Variants in TEK observed in about 807,000 individuals in gnomAD.
The protein encoded by TEK is TEK receptor tyrosine kinase.
Under a neutral mutation model 131.8 loss-of-function variants are expected in TEK, and 43 were observed. The ratio of observed to expected loss-of-function variants is 0.33; its 90% CI spans 0.26 to 0.42. The LOEUF is 0.42. TEK is among the 10% of genes least tolerant of loss of function. TEK has a pLI of 1.00. For missense variants in TEK, 1,162 were observed against 1,384.4 expected (o/e 0.84, Z 2.55); for synonymous variants, 580 against 491.6 (o/e 1.18, Z -2.38).
chr9:27,199,380 T>C (rs1291122849), intron 12 of TEK, among the ~76,000 whole-genome samples: 1 of 152,128 alleles, frequency 6.6e-6, no homozygotes, highest in Non-Finnish European at 1.5e-5. Flanking sequence ...TGTGAGAGTT[T>C]TTCTAGGAAC....
chr9:27,151,476 T>C (rs894657031), intron 1 of TEK, among the ~76,000 whole-genome samples: 1 of 152,152 alleles, frequency 6.6e-6, no homozygotes, highest in Non-Finnish European at 1.5e-5. Flanking sequence ...AGTTACCATT[T>C]TGGGGAAGAT....
At chr9:27,117,232 AG>A (rs1821607941) in intron 1 of TEK, among the ~76,000 whole-genome samples, 1 of 152,170 alleles carries the variant, frequency 6.6e-6, no homozygotes, top group African/African-American at 2.4e-5. Flanking sequence ...CTGACACTGG[AG>A]CACCAGCCTG....
At chr9:27,115,218 G>T (rs1005541229) in intron 1 of TEK, among the ~76,000 whole-genome samples, 1 of 152,178 alleles carries the variant, frequency 6.6e-6, no homozygotes, top group African/African-American at 2.4e-5. Context: ...GAGCATAAAG[G>T]TCTGGTGCAG....
chr9:27,139,223 A>T (rs1025008122), intron 1 of TEK, among the ~76,000 whole-genome samples: 1 of 150,228 alleles, frequency 6.7e-6, no homozygotes, highest in African/African-American at 2.4e-5. Context: ...AAAAAAAAAA[A>T]AACAGTAGGA....
chr9:27,185,509 C>G lies in TEK; in HGVS notation c.1207C>G (p.His403Asp). ...GCCAAAAGACTTTAACCATACGGATCATTTCTCAGTAGCCATATTCACCAT... is the reference window on the plus strand; with the variant it reads ...GCCAAAAGACTTTAACCATACGGATGATTTCTCAGTAGCCATATTCACCAT... Reference protein sequence around the residue: ...LHPKDFNHTDHFSVAIFTIHR... With the variant: ...LHPKDFNHTDDFSVAIFTIHR... Residue 403 changes from histidine to aspartate, a missense_variant, in exon 9 of 23, where the codon CAT (histidine) becomes GAT (aspartate). By Grantham distance (81) the His-to-Asp change is moderately conservative. Transcript: ENST00000380036. The G allele has an allele frequency of 6.2e-7, 1 of 1,613,660 alleles. No homozygotes were observed. Among genetic ancestry groups the G allele is most frequent in the Non-Finnish European group, 8.5e-7 (1 of 1,179,734 alleles).
At chr9:27,146,554 C>A (rs1054827824) in intron 1 of TEK, among the ~76,000 whole-genome samples, 3 of 152,148 alleles carry the variant, frequency 2.0e-5, no homozygotes, top group Non-Finnish European at 2.9e-5. Flanking sequence ...TTAGCTTCTT[C>A]ACTCAGCATA....
chr9:27,179,360 T>A (rs1824280548), intron 6 of TEK, among the ~76,000 whole-genome samples: 1 of 152,216 alleles, frequency 6.6e-6, no homozygotes, highest in African/African-American at 2.4e-5. Context: ...TATGAACATA[T>A]CTTCTTTTAC....
At chr9:27,218,891 C>T in intron 20 of TEK, 74 bp downstream of exon 20, 2 of 1,384,862 alleles carry the variant, frequency 1.4e-6, no homozygotes, top group Middle Eastern at 1.8e-4. Flanking sequence ...TCCCTTGCTG[C>T]ATAATTCCAC....
chr9:27,228,686 G>A (rs1342692677), intron 22 of TEK, among the ~76,000 whole-genome samples: 1 of 152,100 alleles, frequency 6.6e-6, no homozygotes, highest in Admixed American at 6.6e-5. Context: ...TATAATGAGG[G>A]TCAGGAACTC....
chr9:27,164,839 C>T (rs1483024895), intron 2 of TEK, among the ~76,000 whole-genome samples: 6 of 152,146 alleles, frequency 3.9e-5, no homozygotes. Context: ...CCCAGGTTGA[C>T]AATTAAATTT....
chr9:27,113,641 G>A (rs149464670), intron 1 of TEK, among the ~76,000 whole-genome samples: 1 of 152,238 alleles, frequency 6.6e-6, no homozygotes, highest in East Asian at 1.9e-4. Flanking sequence ...CAAAAGAGAA[G>A]TGTTGCTATG....
chr9:27,135,368 T>A (rs1822383888), intron 1 of TEK, among the ~76,000 whole-genome samples: 1 of 152,104 alleles, frequency 6.6e-6, no homozygotes, highest in Admixed American at 6.6e-5. Flanking sequence ...TGATGGGCTC[T>A]GTAGGGTAGG....
chr9:27,117,733 T>A (rs1282698425), intron 1 of TEK, among the ~76,000 whole-genome samples: 1 of 152,080 alleles, frequency 6.6e-6, no homozygotes, highest in East Asian at 1.9e-4. Context: ...AGGCGTGGGG[T>A]TTGAAGGGCA....
At chr9:27,192,407 T>A (rs1206480468) in intron 10 of TEK, 82 bp from the exon 11 acceptor site, 2 of 1,550,790 alleles carry the variant, frequency 1.3e-6, no homozygotes, top group Non-Finnish European at 1.8e-6. Flanking sequence ...TAAAATTAGT[T>A]CACATCGCAA....
At chr9:27,146,080 T>C (rs1194024967) in intron 1 of TEK, among the ~76,000 whole-genome samples, 2 of 152,204 alleles carry the variant, frequency 1.3e-5, no homozygotes, top group Non-Finnish European at 2.9e-5. Flanking sequence ...CATCTTGTTT[T>C]CTTCACTTTA....
chr9:27,153,428 C>T (rs771943870), intron 1 of TEK, among the ~76,000 whole-genome samples: 38 of 152,060 alleles, frequency 2.5e-4, no homozygotes, highest in Non-Finnish European at 4.3e-4. Context: ...CCAGCCTGGG[C>T]GACAGGGCGA....
intron 11 of TEK, among the ~76,000 whole-genome samples, chr9:27,196,762 C>CTT (rs367911024): frequency 2.2e-4 from 22 of 99,280 alleles, no homozygotes; most frequent in Non-Finnish European, 3.8e-4. Flanking sequence ...GTGCTATACA[C>CTT]TTTTTTTTTT....
chr9:27,211,260 CCTTTAT>C lies in TEK; in HGVS notation c.2687-1440_2687-1435del, dbSNP rs1307819475. ...ATATATATGTATTTAAGGTAAATTA[CCTTTAT>C]CTTTATTAATAAATACATATTTAAA... On this transcript the variant is annotated intron_variant, in intron 16 of 22. Transcript: ENST00000380036. Among the ~76,000 whole-genome samples the C allele has an allele frequency of 1.2e-3, 79 of 64,314 alleles. 1 individual carries two copies. The highest frequency in any genetic ancestry group is 8.9e-4 in the Non-Finnish European group (28 of 31,570). The allele number at this position is 64,314 out of a possible 152,430, so 42.2% of individuals were successfully genotyped here. A position where few individuals can be genotyped will look rare whatever the true frequency, so the allele number is the denominator to read the frequency against.
At chr9:27,137,679 C>A (rs916482501) in intron 1 of TEK, among the ~76,000 whole-genome samples, 1 of 104,632 alleles carries the variant, frequency 9.6e-6, no homozygotes, top group South Asian at 2.5e-4. Flanking sequence ...ATCTTCTTAA[C>A]AAGATTTACT....
Sources: gnomAD v4.1 joint callset for allele counts (sites outside exome capture counted in the v4.1 genomes callset) on GRCh38, gnomAD v4.1.1 for gene constraint, MANE v1.5 for transcripts, NCBI Gene and HGNC (gene_info 2026-07-23, HGNC 2026-07-21) for gene names.